CSGALNACT1: variants seen among roughly 807,000 people sequenced by gnomAD.
The protein encoded by CSGALNACT1 is chondroitin sulfate N-acetylgalactosaminyltransferase 1.
In CSGALNACT1, 52 loss-of-function variants were observed where a neutral mutation model predicts 51.0. That is an observed-to-expected ratio of 1.02 (90% CI 0.82 to 1.29). CSGALNACT1 has a LOEUF of 1.29. Ranked by LOEUF, CSGALNACT1 falls within the 50% of genes most tolerant of loss-of-function variation. The pLI is 0.00. For synonymous variants in CSGALNACT1, 341 were observed against 254.4 expected (o/e 1.34, Z -3.24); for missense variants, 935 against 679.2 (o/e 1.38, Z -4.19).
At chr8:19,649,718 T>C (rs1321984397) in intron 1 of CSGALNACT1, among the ~76,000 whole-genome samples, 1 of 149,986 alleles carries the variant, frequency 6.7e-6, no homozygotes, top group Non-Finnish European at 1.5e-5. Context: ...AGGGTTGAGG[T>C]TGTTCGTTTA....
intron 1 of CSGALNACT1, among the ~76,000 whole-genome samples, chr8:19,655,460 A>C (rs1240160700): frequency 1.3e-5 from 2 of 152,058 alleles, no homozygotes; most frequent in Non-Finnish European, 2.9e-5. Context: ...TCCTTGGCTC[A>C]ATCAATCCTC....
intron 1 of CSGALNACT1, among the ~76,000 whole-genome samples, chr8:19,669,983 T>C (rs76747795): frequency 0.097 from 14,700 of 152,226 alleles, 823 homozygotes; most frequent in Non-Finnish European, 0.12. Context: ...CCCATTTCTT[T>C]TATATTTTAT....
At chr8:19,484,793 T>A (rs2072436491) in intron 4 of CSGALNACT1, among the ~76,000 whole-genome samples, 1 of 152,196 alleles carries the variant, frequency 6.6e-6, no homozygotes, top group South Asian at 2.1e-4. Context: ...TAAGTTACAA[T>A]GGGGCTGCTC....
rs186400073 is a variant in CSGALNACT1 at position 19,466,614 on chromosome 8, T to C, written c.635-7972A>G. On this transcript the variant is annotated intron_variant, in intron 4 of 9. Transcript: ENST00000454498. ...TGAGATAAATGAGACACTATTACAGTGCCATCACCTGTCAGCTGTTTTTAT... is the reference window on the plus strand; with the variant it reads ...TGAGATAAATGAGACACTATTACAGCGCCATCACCTGTCAGCTGTTTTTAT... Among the ~76,000 whole-genome samples, 14 of 152,358 alleles carry C rather than the reference T, an allele frequency of 9.2e-5. No individual in the cohort carries two copies. In the East Asian group the frequency reaches 2.7e-3, roughly 29 times the overall value.
chr8:19,432,726 T>C (rs1365795811), intron 6 of CSGALNACT1, among the ~76,000 whole-genome samples: 1 of 152,196 alleles, frequency 6.6e-6, no homozygotes, highest in Non-Finnish European at 1.5e-5. Context: ...GCCTTATTAA[T>C]TTTTCGTTTT....
intron 4 of CSGALNACT1, among the ~76,000 whole-genome samples, chr8:19,487,250 C>T (rs2073172053): frequency 6.6e-6 from 1 of 152,192 alleles, no homozygotes; most frequent in Non-Finnish European, 1.5e-5. Context: ...TTTAAAAAGA[C>T]AAACAATTTC....
At chr8:19,663,347 G>A (rs1228617381) in intron 1 of CSGALNACT1, among the ~76,000 whole-genome samples, 2 of 151,926 alleles carry the variant, frequency 1.3e-5, no homozygotes, top group Non-Finnish European at 2.9e-5. Flanking sequence ...GTTTTCTTTG[G>A]GTGCTCTTAA....
intron 1 of CSGALNACT1, among the ~76,000 whole-genome samples, chr8:19,705,960 AT>A (rs2062138522): frequency 6.6e-6 from 1 of 152,134 alleles, no homozygotes; most frequent in Non-Finnish European, 1.5e-5. Flanking sequence ...GTATTACTTG[AT>A]TATCTGAATC....
At chr8:19,602,061 A>C (rs1272935051) in exon 1 of CSGALNACT1, 2 of 318,558 alleles carry the variant, frequency 6.3e-6, no homozygotes, top group Non-Finnish European at 1.2e-5. Flanking sequence ...TTGTTTAAAA[A>C]AAAATCAAGG....
At chr8:19,598,667 A>C (rs2049510558) in intron 2 of CSGALNACT1, among the ~76,000 whole-genome samples, 1 of 151,898 alleles carries the variant, frequency 6.6e-6, no homozygotes, top group African/African-American at 2.4e-5. Flanking sequence ...GTGTCTACAA[A>C]CAGTTTTTAC....
chr8:19,488,495 C>T (rs1420604502), intron 4 of CSGALNACT1, among the ~76,000 whole-genome samples: 4 of 149,514 alleles, frequency 2.7e-5, no homozygotes, highest in Admixed American at 1.3e-4. Flanking sequence ...TTATATTAAG[C>T]AGTGTTTTGG....
intron 8 of CSGALNACT1, 38 bp from the exon 8 acceptor site, chr8:19,408,732 G>C (rs1433922777): frequency 1.3e-6 from 2 of 1,589,640 alleles, no homozygotes; most frequent in Non-Finnish European, 1.7e-6. Flanking sequence ...GGAAAGTTTA[G>C]GGTGGACAAA....
At chr8:19,424,004 G>A (rs1251676269) in intron 6 of CSGALNACT1, among the ~76,000 whole-genome samples, 1 of 152,116 alleles carries the variant, frequency 6.6e-6, no homozygotes, top group Non-Finnish European at 1.5e-5. Flanking sequence ...TGTTCTCCCT[G>A]CCCCACGCAG....
At chr8:19,407,820 G>A (rs567433466) in intron 9 of CSGALNACT1, among the ~76,000 whole-genome samples, 1,757 of 151,700 alleles carry the variant, frequency 0.012, 45 homozygotes, top group African/African-American at 0.04. Flanking sequence ...GTGCGCATGT[G>A]GACATTTGTG....
upstream of CSGALNACT1, among the ~76,000 whole-genome samples, chr8:19,603,883 C>CTA (rs1395596831): frequency 1.3e-5 from 2 of 152,142 alleles, no homozygotes; most frequent in African/African-American, 4.8e-5. Context: ...CATTAATAAT[C>CTA]TAATTTGTAC....
intron 1 of CSGALNACT1, among the ~76,000 whole-genome samples, chr8:19,619,607 A>C (rs533899860): frequency 6.6e-6 from 1 of 152,258 alleles, no homozygotes; most frequent in East Asian, 1.9e-4. Context: ...CTAGGCATAG[A>C]GTCAGGGCTC....
chr8:19,688,106 G>A (rs1212329614), intron 1 of CSGALNACT1, among the ~76,000 whole-genome samples: 1 of 152,158 alleles, frequency 6.6e-6, no homozygotes, highest in African/African-American at 2.4e-5. Flanking sequence ...CACATGGCCA[G>A]TTGACACCCC....
At chr8:19,532,737 G>A (rs1262152349) in intron 3 of CSGALNACT1, among the ~76,000 whole-genome samples, 2 of 152,158 alleles carry the variant, frequency 1.3e-5, no homozygotes, top group Non-Finnish European at 2.9e-5. Context: ...CCTCATCACA[G>A]ATACACATGT....
chr8:19,534,074 A>C (rs892118364), intron 3 of CSGALNACT1, among the ~76,000 whole-genome samples: 1 of 152,184 alleles, frequency 6.6e-6, no homozygotes, highest in Admixed American at 6.6e-5. Flanking sequence ...TAATATTAAA[A>C]ATATATTCAG....
Sources: allele counts gnomAD v4.1 joint callset (sites outside exome capture counted in the v4.1 genomes callset), GRCh38; gene constraint gnomAD v4.1.1; transcripts MANE v1.5; gene names NCBI Gene and HGNC (gene_info 2026-07-23, HGNC 2026-07-21).